Variants in ASAP1 observed in about 807,000 individuals in gnomAD.
ASAP1 encodes arf-GAP with SH3 domain, ANK repeat and PH domain-containing protein 1.
In ASAP1, 43 loss-of-function variants were observed where a neutral mutation model predicts 145.2. The ratio of observed to expected loss-of-function variants is 0.30; its 90% CI spans 0.23 to 0.38. The LOEUF (loss-of-function observed/expected upper bound fraction) is 0.38, where lower values mean the gene tolerates loss of function less well. Ranked by LOEUF, ASAP1 falls within the 10% of genes least tolerant of loss-of-function variation. ASAP1 has a pLI of 1.00. For synonymous variants in ASAP1, 546 were observed against 515.5 expected (o/e 1.06, Z -0.80); for missense variants, 1,018 against 1,355.3 (o/e 0.75, Z 3.91).
At position 130,358,724 on chromosome 8, in the gene ASAP1, G is replaced by GCCCCGCCCCCGGCCCGGC. The variant is rs1327975106; in HGVS notation, c.60-599_60-582dup. Among the ~76,000 whole-genome samples, 1 of 42,370 alleles carries GCCCCGCCCCCGGCCCGGC rather than the reference G, an allele frequency of 2.4e-5. No individual in the cohort carries two copies. The highest frequency in any genetic ancestry group is 9.3e-5 in the African/African-American group (1 of 10,784). 27.8% of individuals were successfully genotyped at this position (42,370 alleles called of 152,430 possible). A position where few individuals can be genotyped will look rare whatever the true frequency, so the allele number is the denominator to read the frequency against. On this transcript the variant is annotated intron_variant, in intron 2 of 29. Transcript: ENST00000518721. The surrounding 1 kb of genome is among the most constrained non-coding windows in gnomAD (Gnocchi z 4.1). The stretch of plus-strand genomic sequence containing the variant: ...GCCCCCCCGGTCCCTCCCCGCCCGC[G>GCCCCGCCCCCGGCCCGGC]CCCCGCCCCCGGCCCGGCCCCCGCC...
intron 9 of ASAP1, among the ~76,000 whole-genome samples, chr8:130,175,517 C>T (rs939148364): frequency 6.6e-6 from 1 of 152,130 alleles, no homozygotes; most frequent in African/African-American, 2.4e-5. Context: ...TGAGCCAGTA[C>T]ACCTGGACTG....
intron 7 of ASAP1, among the ~76,000 whole-genome samples, chr8:130,184,977 A>G (rs751061091): frequency 6.6e-6 from 1 of 152,242 alleles, no homozygotes; most frequent in Admixed American, 6.5e-5. Context: ...GATCTAAATC[A>G]TTACAAACTT....
intron 4 of ASAP1, among the ~76,000 whole-genome samples, chr8:130,236,317 CATT>C (rs2136665460): frequency 6.6e-6 from 1 of 150,960 alleles, no homozygotes; most frequent in East Asian, 1.9e-4. Context: ...TGTGGTTACT[CATT>C]TTTTTTTTTT....
chr8:130,205,591 C>CCT (rs35463619), intron 5 of ASAP1, among the ~76,000 whole-genome samples: 3 of 119,254 alleles, frequency 2.5e-5, no homozygotes, highest in African/African-American at 9.5e-5. Context: ...AAATACACGG[C>CCT]TTTTTTTTTT....
At chr8:130,070,842 A>G (rs1592731347) in intron 27 of ASAP1, among the ~76,000 whole-genome samples, 1 of 5,478 alleles carries the variant, frequency 1.8e-4, no homozygotes, top group African/African-American at 1.1e-3. Flanking sequence ...AGAGAGAGGG[A>G]GAGAGGGAGA....
At chr8:130,384,897 C>T (rs1212230063) in intron 2 of ASAP1, among the ~76,000 whole-genome samples, 7 of 152,200 alleles carry the variant, frequency 4.6e-5, no homozygotes, top group Non-Finnish European at 2.9e-5. Flanking sequence ...AGATGACCCC[C>T]GCCCTCCTGG....
chr8:130,414,813 A>G (rs1829409470), intron 1 of ASAP1, among the ~76,000 whole-genome samples: 1 of 148,468 alleles, frequency 6.7e-6, no homozygotes, highest in Non-Finnish European at 1.5e-5. Context: ...ATAGGAGTGC[A>G]GTGGCAAGAT....
intron 1 of ASAP1, among the ~76,000 whole-genome samples, chr8:130,441,776 C>G (rs555581561): frequency 6.6e-6 from 1 of 152,226 alleles, no homozygotes; most frequent in African/African-American, 2.4e-5. Context: ...GGCAAGCTTG[C>G]GAAAAGTCCT....
intron 28 of ASAP1, among the ~76,000 whole-genome samples, chr8:130,058,521 G>T (rs535868928): frequency 2.6e-5 from 4 of 152,324 alleles, no homozygotes; most frequent in Admixed American, 2.6e-4. Flanking sequence ...AAACAAATTT[G>T]TCAGTCCCCT....
At chr8:130,286,691 A>C (rs957241216) in intron 3 of ASAP1, among the ~76,000 whole-genome samples, 2 of 152,132 alleles carry the variant, frequency 1.3e-5, no homozygotes, top group Non-Finnish European at 2.9e-5. Flanking sequence ...CATCATCTTC[A>C]TGCTCATCAC....
intron 4 of ASAP1, among the ~76,000 whole-genome samples, chr8:130,224,570 T>C (rs544587574): frequency 6.6e-6 from 1 of 152,208 alleles, no homozygotes; most frequent in African/African-American, 2.4e-5. Context: ...CACACAAATA[T>C]AGGTGTTTTC....
chr8:130,177,307 G>T (rs1022673353), intron 9 of ASAP1, among the ~76,000 whole-genome samples: 2 of 152,222 alleles, frequency 1.3e-5, no homozygotes, highest in Non-Finnish European at 2.9e-5. Flanking sequence ...ACTCTTGTTT[G>T]TGTAGGCCAA....
chr8:130,320,638 A>ATT (rs1823944436), intron 3 of ASAP1, among the ~76,000 whole-genome samples: 1 of 38,372 alleles, frequency 2.6e-5, no homozygotes, highest in Non-Finnish European at 4.5e-5. Flanking sequence ...TGAAGGAGGA[A>ATT]GAGTTAAAAA....
chr8:130,166,904 T>C (rs1318346249), intron 11 of ASAP1, among the ~76,000 whole-genome samples: 1 of 152,240 alleles, frequency 6.6e-6, no homozygotes, highest in Non-Finnish European at 1.5e-5. Flanking sequence ...ATGCCTGTTT[T>C]GGCTGCCCAG....
At chr8:130,257,761 T>C (rs779048626) in intron 3 of ASAP1, among the ~76,000 whole-genome samples, 1 of 148,998 alleles carries the variant, frequency 6.7e-6, no homozygotes, top group African/African-American at 2.5e-5. Context: ...CACAATATTT[T>C]CTAAACTGAT....
chr8:130,326,311 T>C (rs941817634), intron 3 of ASAP1, among the ~76,000 whole-genome samples: 1 of 152,252 alleles, frequency 6.6e-6, no homozygotes, highest in Admixed American at 6.5e-5. Context: ...ACAGTACTCA[T>C]GCACCGACTT....
chr8:130,061,709 T>C (rs1365520075), intron 27 of ASAP1, among the ~76,000 whole-genome samples: 1 of 152,258 alleles, frequency 6.6e-6, no homozygotes, highest in Non-Finnish European at 1.5e-5. Context: ...GTGTGCTATG[T>C]CTTTTAAAAA....
chr8:130,203,045 A>G (rs771269991), intron 5 of ASAP1, among the ~76,000 whole-genome samples: 1 of 152,178 alleles, frequency 6.6e-6, no homozygotes, highest in Non-Finnish European at 1.5e-5. Flanking sequence ...ATACTGAAAT[A>G]TAAATTAGAA....
At chr8:130,347,264 C>T (rs919042269) in intron 3 of ASAP1, among the ~76,000 whole-genome samples, 1 of 152,214 alleles carries the variant, frequency 6.6e-6, no homozygotes, top group Non-Finnish European at 1.5e-5. Context: ...CTGACCACAT[C>T]AGCAAAGCTA....
Sources: gnomAD v4.1 joint callset for allele counts (sites outside exome capture counted in the v4.1 genomes callset) on GRCh38, gnomAD v4.1.1 for gene constraint, Gnocchi (gnomAD v3.1) non-coding constraint, MANE v1.5 for transcripts, NCBI Gene and HGNC (gene_info 2026-07-23, HGNC 2026-07-21) for gene names.